The following KHDRBS2 variants were observed in gnomAD, a reference collection of about 807,000 sequenced individuals.
KHDRBS2 encodes the protein KH RNA binding domain containing, signal transduction associated 2, also known as KH domain-containing, RNA-binding, signal transduction-associated protein 2.
Under a neutral mutation model 44.3 loss-of-function variants are expected in KHDRBS2, and 26 were observed. The observed-to-expected ratio is 0.59, with a 90% CI of 0.43 to 0.81. The LOEUF (loss-of-function observed/expected upper bound fraction) is 0.81, where lower values mean the gene tolerates loss of function less well. KHDRBS2 is among the 40% of genes least tolerant of loss of function. The pLI is 0.00. For synonymous variants in KHDRBS2, 194 were observed against 151.1 expected (o/e 1.28, Z -2.08); for missense variants, 476 against 433.1 (o/e 1.10, Z -0.88).
At chr6:62,060,250 C>T (rs1242453238) in intron 2 of KHDRBS2, among the ~76,000 whole-genome samples, 1 of 151,596 alleles carries the variant, frequency 6.6e-6, no homozygotes, top group Admixed American at 6.6e-5. Flanking sequence ...TAGGTAAAAG[C>T]AATGTAGTTC....
At chr6:62,072,861 G>A (rs1358226588) in intron 2 of KHDRBS2, among the ~76,000 whole-genome samples, 2 of 152,118 alleles carry the variant, frequency 1.3e-5, no homozygotes, top group East Asian at 1.9e-4. Flanking sequence ...CTCATAAAAT[G>A]AGTTAGGGAC....
intron 8 of KHDRBS2, among the ~76,000 whole-genome samples, chr6:61,685,499 T>C (rs991465514): frequency 1.3e-5 from 2 of 151,880 alleles, no homozygotes; most frequent in Non-Finnish European, 2.9e-5. Context: ...TAGGTTGTCA[T>C]GTTGCATGTA....
chr6:61,750,760 T>TAAAAAAAA (rs61576563), intron 6 of KHDRBS2, among the ~76,000 whole-genome samples: 1 of 116,494 alleles, frequency 8.6e-6, no homozygotes. Context: ...GAGAAAAAAG[T>TAAAAAAAA]AAAAAAAAAA....
intron 6 of KHDRBS2, among the ~76,000 whole-genome samples, chr6:61,839,271 T>C (rs1327885874): frequency 3.3e-5 from 5 of 152,138 alleles, no homozygotes; most frequent in Non-Finnish European, 7.4e-5. Context: ...TATTTATTTC[T>C]GATTATTTGT....
the KHDRBS2 span, among the ~76,000 whole-genome samples, chr6:61,600,465 C>G: frequency 6.6e-6 from 1 of 152,116 alleles, no homozygotes; most frequent in Non-Finnish European, 1.5e-5. Context: ...AGAACAACCC[C>G]CTTTGACTGT....
intron 3 of KHDRBS2, among the ~76,000 whole-genome samples, chr6:61,986,463 T>C (rs1411274875): frequency 6.6e-6 from 1 of 152,220 alleles, no homozygotes; most frequent in Non-Finnish European, 1.5e-5. Flanking sequence ...ATCAGTTTGA[T>C]ATTGGTTTAG....
At chr6:62,063,953 T>A (rs937481290) in intron 2 of KHDRBS2, among the ~76,000 whole-genome samples, 1 of 147,642 alleles carries the variant, frequency 6.8e-6, no homozygotes, top group Admixed American at 6.9e-5. Context: ...AAAATCAATG[T>A]ACAAAAATCA....
At chr6:61,875,443 A>G (rs983507221) in intron 6 of KHDRBS2, among the ~76,000 whole-genome samples, 3 of 152,092 alleles carry the variant, frequency 2.0e-5, no homozygotes, top group African/African-American at 4.8e-5. Flanking sequence ...AAATCCTTTC[A>G]ATCTGCTTTA....
At chr6:62,207,730 T>C (rs2150142703) in intron 1 of KHDRBS2, among the ~76,000 whole-genome samples, 1 of 152,298 alleles carries the variant, frequency 6.6e-6, no homozygotes, top group African/African-American at 2.4e-5. Flanking sequence ...TCTCTATATT[T>C]TGAGAAGCAT....
At chr6:62,072,991 C>T (rs367798946) in intron 2 of KHDRBS2, among the ~76,000 whole-genome samples, 4 of 151,702 alleles carry the variant, frequency 2.6e-5, no homozygotes, top group Admixed American at 6.6e-5. Context: ...TTGGTTGGTA[C>T]GCTATTAATT....
At chr6:61,676,355 G>T (rs1765939756), downstream of KHDRBS2, among the ~76,000 whole-genome samples, 2 of 151,630 alleles carry the variant, frequency 1.3e-5, no homozygotes, top group African/African-American at 2.4e-5. Context: ...TCTCCATTCC[G>T]CTGAGTGCAG....
intron 2 of KHDRBS2, among the ~76,000 whole-genome samples, chr6:62,147,275 C>CT (rs1479666216): frequency 6.6e-6 from 1 of 151,840 alleles, no homozygotes; most frequent in Non-Finnish European, 1.5e-5. Context: ...CAGCAAAAGT[C>CT]TTTTTTTCTA....
intron 6 of KHDRBS2, among the ~76,000 whole-genome samples, chr6:61,890,909 A>C (rs991186245): frequency 1.3e-5 from 2 of 152,198 alleles, no homozygotes; most frequent in African/African-American, 4.8e-5. Flanking sequence ...ACTTAGATGA[A>C]CACATTTCAC....
intron 6 of KHDRBS2, among the ~76,000 whole-genome samples, chr6:61,818,676 A>T (rs746027763): frequency 6.6e-6 from 1 of 151,996 alleles, no homozygotes; most frequent in South Asian, 2.1e-4. Context: ...GTAAATGGTG[A>T]AATTAATATT....
chr6:61,597,910 T>TTG, the KHDRBS2 span, among the ~76,000 whole-genome samples: 30 of 129,266 alleles, frequency 2.3e-4, no homozygotes, highest in Admixed American at 3.9e-4. Context: ...GAGGTTTTTT[T>TTG]TGTGTTTTTT....
chr6:61,572,980 A>T, the KHDRBS2 span, among the ~76,000 whole-genome samples: 1 of 152,222 alleles, frequency 6.6e-6, no homozygotes, highest in Non-Finnish European at 1.5e-5. Flanking sequence ...GTAATCAGAC[A>T]AAACAAAGAA....
At chr6:61,736,357 C>T (rs567326084) in intron 6 of KHDRBS2, among the ~76,000 whole-genome samples, 9 of 151,628 alleles carry the variant, frequency 5.9e-5, no homozygotes, top group Non-Finnish European at 1.2e-4. Flanking sequence ...AGGGTTAATA[C>T]CATAATTGGA....
At chr6:62,185,921 TATAAG>T (rs1430195666) in intron 1 of KHDRBS2, among the ~76,000 whole-genome samples, 2 of 152,030 alleles carry the variant, frequency 1.3e-5, no homozygotes, top group Admixed American at 6.6e-5. Context: ...CTATTTTGCG[TATAAG>T]ATAAGACCAC....
intron 1 of KHDRBS2, among the ~76,000 whole-genome samples, chr6:62,213,174 C>T (rs1829377154): frequency 6.6e-6 from 1 of 152,062 alleles, no homozygotes; most frequent in Non-Finnish European, 1.5e-5. Flanking sequence ...AATGCTGGGG[C>T]ATTGATAATG....
Sources: gnomAD v4.1 joint callset for allele counts (sites outside exome capture counted in the v4.1 genomes callset) on GRCh38, gnomAD v4.1.1 for gene constraint, MANE v1.5 for transcripts, NCBI Gene and HGNC (gene_info 2026-07-23, HGNC 2026-07-21) for gene names.